Variants in NRCAM observed in about 807,000 individuals in gnomAD.
NRCAM encodes the protein NgCAM-related cell adhesion molecule.
In NRCAM, 83 loss-of-function variants were observed where a neutral mutation model predicts 156.5. The ratio of observed to expected loss-of-function variants is 0.53; its 90% CI spans 0.44 to 0.64. The LOEUF (loss-of-function observed/expected upper bound fraction) is 0.64, where lower values mean the gene tolerates loss of function less well. Among genes scored for constraint, NRCAM ranks in the 30% least tolerant of loss-of-function variants. The pLI is 0.00. For synonymous variants in NRCAM, 538 were observed against 563.9 expected, an observed-to-expected ratio of 0.95 and a Z score of 0.65; for missense variants, 1,417 against 1,597.3, an observed-to-expected ratio of 0.89 and a Z score of 1.92.
intron 17 of NRCAM, 57 bp from the exon 18 acceptor site, chr7:108,191,910 T>C (rs558866856): frequency 2.8e-4 from 427 of 1,544,320 alleles, no homozygotes; most frequent in Non-Finnish European, 3.6e-4. Context: ...TACCCTATAA[T>C]TGCTTCACTG....
At position 108,191,744 on chromosome 7, in the gene NRCAM, C is replaced by T; in HGVS notation, c.1888G>A (p.Val630Met). 2 of 1,612,372 alleles carry T rather than the reference C, an allele frequency of 1.2e-6. No individual in the cohort carries two copies. Among genetic ancestry groups the T allele is most frequent in the Non-Finnish European group, 1.7e-6 (2 of 1,178,794 alleles). ...TTLDSVSASA[V>M]LSVVAPTPTP... ...TCGTTCTTACCAACAACGCTAAGCA[C>T]AGCGCTGGCGGAGACGCTGTCCAGA... Residue 630 changes from valine to methionine, a missense_variant, in exon 18 of 33, where the codon GTG (valine) becomes ATG (methionine). By Grantham distance (21) the Val-to-Met change is conservative. Around this residue, in one of 2 missense-constraint regions of NRCAM, gnomAD observed 1,238 missense variants for 1,336.4 expected, o/e 0.93. Coordinates refer to ENST00000379028, the MANE Select transcript of NRCAM (RefSeq NM_001037132.4).
intron 1 of NRCAM, among the ~76,000 whole-genome samples, chr7:108,406,886 T>C (rs979190597): frequency 2.6e-5 from 4 of 152,246 alleles, no homozygotes; most frequent in Non-Finnish European, 4.4e-5. Context: ...AGTATGAAGC[T>C]AGAATGCTAA....
At chr7:108,297,619 G>C (rs1373549989) in intron 3 of NRCAM, among the ~76,000 whole-genome samples, 2 of 152,032 alleles carry the variant, frequency 1.3e-5, no homozygotes, top group Admixed American at 6.5e-5. Context: ...ATACATTCAT[G>C]AACACAATAG....
chr7:108,424,092 C>T (rs981671147), intron 1 of NRCAM, among the ~76,000 whole-genome samples: 2 of 152,172 alleles, frequency 1.3e-5, no homozygotes, highest in Non-Finnish European at 2.9e-5. Context: ...TTGAGCCCAC[C>T]GACCTTGGAT....
At chr7:108,369,589 G>A (rs2099615740) in intron 2 of NRCAM, among the ~76,000 whole-genome samples, 1 of 152,038 alleles carries the variant, frequency 6.6e-6, no homozygotes. Flanking sequence ...CATTTGTAGG[G>A]TTTGTTTTCT....
At chr7:108,454,298 T>C (rs1253998212) in intron 1 of NRCAM, among the ~76,000 whole-genome samples, 2 of 152,222 alleles carry the variant, frequency 1.3e-5, no homozygotes, top group Non-Finnish European at 2.9e-5. Flanking sequence ...GAACACTCAG[T>C]GGTTTAGGTT....
At chr7:108,363,109 G>C (rs1332254947) in intron 2 of NRCAM, among the ~76,000 whole-genome samples, 2 of 152,018 alleles carry the variant, frequency 1.3e-5, no homozygotes, top group South Asian at 2.1e-4. Context: ...TAAGAAATAA[G>C]AAAAAGTCAA....
chr7:108,400,177 G>A (rs1026245055), intron 1 of NRCAM, among the ~76,000 whole-genome samples: 1 of 152,146 alleles, frequency 6.6e-6, no homozygotes, highest in Non-Finnish European at 1.5e-5. Flanking sequence ...AAAAGCATAA[G>A]GTTAAAGTGG....
At chr7:108,186,778 G>A (rs1317866631) in intron 20 of NRCAM, among the ~76,000 whole-genome samples, 2 of 152,086 alleles carry the variant, frequency 1.3e-5, no homozygotes, top group East Asian at 1.9e-4. Flanking sequence ...TCTTAACATT[G>A]TAAAGCTTCT....
intron 2 of NRCAM, among the ~76,000 whole-genome samples, chr7:108,394,272 G>A (rs2099770673): frequency 6.6e-6 from 1 of 152,178 alleles, no homozygotes; most frequent in Non-Finnish European, 1.5e-5. Context: ...AGTCAGGAAA[G>A]GGCAGGGGAT....
intron 2 of NRCAM, among the ~76,000 whole-genome samples, chr7:108,341,468 C>T (rs953359447): frequency 3.3e-5 from 5 of 152,324 alleles, no homozygotes; most frequent in Middle Eastern, 6.8e-3. Context: ...GAACTTTACT[C>T]TTTCACATGC....
chr7:108,325,583 C>T (rs2154222444), intron 2 of NRCAM, among the ~76,000 whole-genome samples: 1 of 152,136 alleles, frequency 6.6e-6, no homozygotes, highest in Admixed American at 6.6e-5. Flanking sequence ...AAAAGGTAAC[C>T]TACATTAGAT....
intron 13 of NRCAM, among the ~76,000 whole-genome samples, chr7:108,201,620 G>A (rs1174229373): frequency 6.6e-6 from 1 of 152,138 alleles, no homozygotes; most frequent in Non-Finnish European, 1.5e-5. Flanking sequence ...TGAACTTGGA[G>A]GGCAAAGCTC....
At chr7:108,159,242 C>G (rs1478228049) in intron 32 of NRCAM, 1 of 698,292 alleles carries the variant, frequency 1.4e-6, no homozygotes, top group Admixed American at 1.8e-5. Context: ...GGAGACATTC[C>G]ATCTCCAAAA....
chr7:108,191,581 A>G, intron 18 of NRCAM, 148 bp downstream of exon 18: 1 of 968,648 alleles, frequency 1.0e-6, no homozygotes, highest in South Asian at 2.2e-5. Flanking sequence ...ATTGCCTCCA[A>G]GGCATCTTTC....
At chr7:108,312,775 G>A (rs1301143117) in intron 2 of NRCAM, 44 bp from the exon 3 acceptor site, 1 of 152,154 alleles carries the variant, frequency 6.6e-6, no homozygotes, top group Non-Finnish European at 1.5e-5. Context: ...GACATTGATT[G>A]TCATCAATCA....
intron 3 of NRCAM, among the ~76,000 whole-genome samples, chr7:108,248,750 T>C (rs554499798): frequency 3.9e-5 from 6 of 152,264 alleles, no homozygotes; most frequent in African/African-American, 1.4e-4. Context: ...CACAACCCAT[T>C]GACCAGAAGT....
intron 1 of NRCAM, among the ~76,000 whole-genome samples, chr7:108,418,309 A>G (rs2154430271): frequency 6.6e-6 from 1 of 152,296 alleles, no homozygotes; most frequent in East Asian, 1.9e-4. Context: ...GAAGCACACA[A>G]TATCAAAGCA....
At chr7:108,158,011 A>G (rs569255614) in intron 32 of NRCAM, among the ~76,000 whole-genome samples, 2 of 152,258 alleles carry the variant, frequency 1.3e-5, no homozygotes, top group Admixed American at 6.5e-5. Flanking sequence ...GAAGTTATTT[A>G]GTAATTGTAA....
Sources: gnomAD v4.1 joint callset for allele counts (sites outside exome capture counted in the v4.1 genomes callset) on GRCh38, gnomAD v4.1.1 for gene constraint, gnomAD v4.1.1 regional missense constraint, MANE v1.5 for transcripts, NCBI Gene and HGNC (gene_info 2026-07-23, HGNC 2026-07-21) for gene names.